The following ARID5A variants were observed in gnomAD, a reference collection of about 807,000 sequenced individuals.
The protein encoded by ARID5A is AT-rich interactive domain-containing protein 5A.
Under a neutral mutation model 30.5 loss-of-function variants are expected in ARID5A, and 14 were observed. That is an observed-to-expected ratio of 0.46 (90% CI 0.30 to 0.72). The LOEUF (loss-of-function observed/expected upper bound fraction) is 0.72, where lower values mean the gene tolerates loss of function less well. ARID5A is among the 30% of genes least tolerant of loss of function. The pLI is 0.07. For synonymous variants in ARID5A, 338 were observed against 340.4 expected (o/e 0.99, Z 0.08); for missense variants, 669 against 786.2 (o/e 0.85, Z 1.78).
At chr2:96,542,207 G>C (rs760465475) in intron 1 of ARID5A, among the ~76,000 whole-genome samples, 1 of 152,176 alleles carries the variant, frequency 6.6e-6, no homozygotes, top group Non-Finnish European at 1.5e-5. Flanking sequence ...GGAGACCAAG[G>C]GGGAGAGGAC....
chr2:96,547,473 C>A lies in ARID5A; in HGVS notation c.76C>A (p.Pro26Thr). The A allele has an allele frequency of 1.2e-6, 2 of 1,614,082 alleles. No homozygotes were observed. Among genetic ancestry groups the A allele is most frequent in the Non-Finnish European group, 1.7e-6 (2 of 1,180,010 alleles). The part of the protein sequence containing the change: ...DALDPPASPK[P>T]AGKQNGIQNP... ...CCTAGACCCACCTGCATCCCCCAAACCTGCTGGCAAGCAGAACGGAATCCA... is the reference window on the plus strand; with the variant it reads ...CCTAGACCCACCTGCATCCCCCAAAACTGCTGGCAAGCAGAACGGAATCCA... The change falls in exon 2 of 7, where the codon CCT becomes ACT. Residue 26 changes from proline (P) to threonine (T), a missense_variant. Pro to Thr is a conservative substitution (Grantham distance 38, BLOSUM62 -1). Transcript: ENST00000357485.
In ARID5A at chr2:96,549,831, GC is replaced by G. The variant is rs776008149; in HGVS notation, c.312+28del. On this transcript the variant is annotated intron_variant, in intron 4 of 6. Transcript: ENST00000357485. The surrounding 1 kb of genome is among the most constrained non-coding windows in gnomAD (Gnocchi z 6.1). ...GTAAGGAAGGCACCTCCCAGTCCTT[GC>G]CAAACTGCATATCCCTGGGGTGAGC... 2 of 1,607,112 alleles carry G rather than the reference GC, an allele frequency of 1.2e-6. No homozygotes were observed. The highest frequency in any genetic ancestry group is 2.2e-5 in the South Asian group (2 of 89,840).
chr2:96,549,939 C>G lies in ARID5A; in HGVS notation c.312+134C>G. The G allele has an allele frequency of 6.6e-7, 1 of 1,526,034 alleles. No individual in the cohort carries two copies. Among genetic ancestry groups the G allele is most frequent in the Non-Finnish European group, 8.8e-7 (1 of 1,135,458 alleles). The allele number at this position is 1,526,034 out of a possible 1,614,324, so 94.5% of individuals were successfully genotyped here. On this transcript the variant is annotated intron_variant, in intron 4 of 6. Coordinates refer to ENST00000357485, the MANE Select transcript of ARID5A (RefSeq NM_212481.3). The surrounding 1 kb of genome is among the most constrained non-coding windows in gnomAD (Gnocchi z 6.1). The stretch of plus-strand genomic sequence containing the variant: ...CCTGCGTCCCTGCCTCCCTGCCTTC[C>G]CCGCTGGTACTCTGCTGCTCAAAGC...
rs894013261 is a variant in ARID5A at position 96,550,948 on chromosome 2, C to T, written c.571-151C>T. The T allele has an allele frequency of 1.7e-6, 2 of 1,188,488 alleles. No homozygotes were observed. The highest frequency in any genetic ancestry group is 2.3e-5 in the Admixed American group (1 of 42,798). The allele number at this position is 1,188,488 out of a possible 1,614,324, so 73.6% of individuals were successfully genotyped here. ...CACCAGGCACCTGAGGCTGTGTCCA[C>T]TCAGAGGACAGGGCACCTTTGGAAA... On this transcript the variant is annotated intron_variant, in intron 6 of 6. Transcript: ENST00000357485. The surrounding 1 kb of genome is among the most constrained non-coding windows in gnomAD (Gnocchi z 6.6).
chr2:96,549,492 C>A lies in ARID5A; in HGVS notation c.259+33C>A. The A allele has an allele frequency of 6.2e-7, 1 of 1,602,626 alleles. No individual in the cohort carries two copies. Among genetic ancestry groups the A allele is most frequent in the Non-Finnish European group, 8.5e-7 (1 of 1,173,120 alleles). ...CCTGGGGTGCAGGCAGGGAGGGGGG[C>A]CCAGCAGGGGACCCCGCCCAGGCAG... On this transcript the variant is annotated intron_variant, in intron 3 of 6. Coordinates refer to ENST00000357485, the MANE Select transcript of ARID5A (RefSeq NM_212481.3). This position sits in a 1 kb window ranked among gnomAD's most constrained non-coding sequence, Gnocchi z 6.1.
intron 2 of ARID5A, among the ~76,000 whole-genome samples, 163 bp downstream of exon 2, chr2:96,547,680 C>T (rs539257851): frequency 7.9e-5 from 12 of 152,304 alleles, no homozygotes; most frequent in African/African-American, 2.9e-4. Context: ...TCATCTGTGG[C>T]AGAGAGTTTC....
At chr2:96,548,652 A>G (rs942578739) in intron 2 of ARID5A, among the ~76,000 whole-genome samples, 1 of 152,196 alleles carries the variant, frequency 6.6e-6, no homozygotes, top group Admixed American at 6.5e-5. Context: ...CTGTTCTCTG[A>G]GCAGGGTATG....
In ARID5A at chr2:96,552,400, C is replaced by G. The variant is rs1282321220; in HGVS notation, c.*87C>G. 1.3e-6 allele frequency: 2 copies of G among 1,586,454 alleles called. No individual in the cohort carries two copies. The highest frequency in any genetic ancestry group is 1.7e-6 in the Non-Finnish European group (2 of 1,167,816). On this transcript the variant is annotated 3_prime_UTR_variant, in exon 7 of 7. Coordinates refer to ENST00000357485, the MANE Select transcript of ARID5A (RefSeq NM_212481.3). ...CTGCCAGGGGGCTCTGAACTAGTGC[C>G]TGCTACCCAGGACACCCGGGCCATG...
In ARID5A at chr2:96,539,451, C is replaced by T. The variant is rs765892512; in HGVS notation, c.4+2621C>T. ...TTTGTCTTCAGTGACTCTCAACCACCGCCCGACTGCCTTCACCTTCCTGCC... is the reference window on the plus strand; with the variant it reads ...TTTGTCTTCAGTGACTCTCAACCACTGCCCGACTGCCTTCACCTTCCTGCC... On this transcript the variant is annotated intron_variant, in intron 1 of 6. Transcript: ENST00000357485. The surrounding 1 kb of genome is among the most constrained non-coding windows in gnomAD (Gnocchi z 4.7). Among the ~76,000 whole-genome samples the T allele has an allele frequency of 7.2e-5, 11 of 152,234 alleles. No individual in the cohort carries two copies. The highest frequency in any genetic ancestry group is 1.5e-4 in the Non-Finnish European group (10 of 68,028).
intron 1 of ARID5A, among the ~76,000 whole-genome samples, chr2:96,541,286 T>A (rs2065841690): frequency 6.6e-6 from 1 of 152,244 alleles, no homozygotes. Flanking sequence ...TCTGCCCGCC[T>A]CGGCCTCCCA....
intron 1 of ARID5A, among the ~76,000 whole-genome samples, chr2:96,546,041 C>T (rs1254419052): frequency 6.6e-6 from 1 of 152,088 alleles, no homozygotes; most frequent in Non-Finnish European, 1.5e-5. Flanking sequence ...CCCAAGAAAC[C>T]ACCACCCTGA....
Position 96,550,977 on chromosome 2 carries a change from C to T in ARID5A, c.571-122C>T. ...GAGGACAGGGCACCTTTGGAAAATT[C>T]TGTACAGAGGACTGCAGGGGCTGGC... On this transcript the variant is annotated intron_variant, in intron 6 of 6. Coordinates refer to ENST00000357485, the MANE Select transcript of ARID5A (RefSeq NM_212481.3). The surrounding 1 kb of genome is among the most constrained non-coding windows in gnomAD (Gnocchi z 6.6). The T allele has an allele frequency of 7.7e-7, 1 of 1,302,844 alleles. No homozygotes were observed. The highest frequency in any genetic ancestry group is 1.4e-5 in the South Asian group (1 of 70,094). The allele number at this position is 1,302,844 out of a possible 1,614,324, so 80.7% of individuals were successfully genotyped here. A position where few individuals can be genotyped will look rare whatever the true frequency, so the allele number is the denominator to read the frequency against.
rs2065817456 is a variant in ARID5A at position 96,539,972 on chromosome 2, A to G, written c.4+3142A>G. ...TAGCTCTCAGGGATCAGCGTCTCTC[A>G]GGAGTCAGACTACCCTGGTTCTGAA... On this transcript the variant is annotated intron_variant, in intron 1 of 6. Transcript: ENST00000357485. This position sits in a 1 kb window ranked among gnomAD's most constrained non-coding sequence, Gnocchi z 4.7. 6.6e-6 allele frequency among the ~76,000 whole-genome samples: 1 copy of G among 152,224 alleles called. No homozygotes were observed. Among genetic ancestry groups the G allele is most frequent in the East Asian group, 1.9e-4 (1 of 5,204 alleles).
At position 96,539,091 on chromosome 2, in the gene ARID5A, G is replaced by GAAGATCAGA. The variant is rs1266529587; in HGVS notation, c.4+2261_4+2262insAAGATCAGA. ...CCTTGGGGAGGGAGCAGGACAGGCA[G>GAAGATCAGA]GCCTCTGATCTTCTCACTGAGCCTG... On this transcript the variant is annotated intron_variant, in intron 1 of 6. Coordinates refer to ENST00000357485, the MANE Select transcript of ARID5A (RefSeq NM_212481.3). The surrounding 1 kb of genome is among the most constrained non-coding windows in gnomAD (Gnocchi z 4.7). 6.6e-6 allele frequency among the ~76,000 whole-genome samples: 1 copy of GAAGATCAGA among 152,206 alleles called. No homozygotes were observed. The highest frequency in any genetic ancestry group is 2.4e-5 in the African/African-American group (1 of 41,432).
chr2:96,544,258 C>T (rs2065889088), intron 1 of ARID5A, among the ~76,000 whole-genome samples: 1 of 152,230 alleles, frequency 6.6e-6, no homozygotes, highest in South Asian at 2.1e-4. Context: ...GCTAAGATCA[C>T]TGATGAAGGT....
rs1044524857 is a variant in ARID5A, at chr2:96,539,815, G to T, written c.4+2985G>T. ...TAGCAGTCAACACAGACCTGCTCTT[G>T]TTAGCAGAGTGACAGGAGCGATGTG... On this transcript the variant is annotated intron_variant, in intron 1 of 6. Coordinates refer to ENST00000357485, the MANE Select transcript of ARID5A (RefSeq NM_212481.3). This position sits in a 1 kb window ranked among gnomAD's most constrained non-coding sequence, Gnocchi z 4.7. 6.6e-6 allele frequency among the ~76,000 whole-genome samples: 1 copy of T among 151,232 alleles called. No individual in the cohort carries two copies. Among genetic ancestry groups the T allele is most frequent in the Non-Finnish European group, 1.5e-5 (1 of 67,978 alleles).
intron 1 of ARID5A, among the ~76,000 whole-genome samples, chr2:96,540,483 T>G (rs1280769466): frequency 6.6e-6 from 1 of 152,172 alleles, no homozygotes; most frequent in Non-Finnish European, 1.5e-5. Flanking sequence ...AGGGGGGCTT[T>G]TGTGGAGTGA....
intron 1 of ARID5A, among the ~76,000 whole-genome samples, chr2:96,542,637 G>A (rs150840645): frequency 7.2e-5 from 11 of 152,204 alleles, no homozygotes; most frequent in African/African-American, 2.4e-4. Context: ...CTGAGGATGG[G>A]GCCGGAGCAT....
chr2:96,551,002 C>G, intron 6 of ARID5A, 97 bp from the exon 7 acceptor site: 1 of 1,395,080 alleles, frequency 7.2e-7, no homozygotes, highest in Non-Finnish European at 9.8e-7. Context: ...CAGGGGCTGG[C>G]GGGGGACCTG....
Sources: allele counts gnomAD v4.1 joint callset (sites outside exome capture counted in the v4.1 genomes callset), GRCh38; gene constraint gnomAD v4.1.1; non-coding constraint Gnocchi (gnomAD v3.1); transcripts MANE v1.5; gene names NCBI Gene and HGNC (gene_info 2026-07-23, HGNC 2026-07-21).